Variants in SEMA5B observed in about 807,000 individuals in gnomAD.
SEMA5B encodes the protein semaphorin 5B, also known as semaphorin-5B.
SEMA5B carries 66 observed loss-of-function variants against 135.0 expected under a neutral mutation model. That is an observed-to-expected ratio of 0.49 (90% CI 0.40 to 0.60). The LOEUF (loss-of-function observed/expected upper bound fraction) is 0.60, where lower values mean the gene tolerates loss of function less well. Ranked by LOEUF, SEMA5B falls within the 20% of genes least tolerant of loss-of-function variation. The pLI is 0.00. For missense variants in SEMA5B, 1,501 were observed against 1,566.3 expected (o/e 0.96, Z 0.70); for synonymous variants, 690 against 639.5 (o/e 1.08, Z -1.19).
At chr3:122,975,553 C>T (rs895074) in intron 1 of SEMA5B, among the ~76,000 whole-genome samples, 23,425 of 152,242 alleles carry the variant, frequency 0.15, 2,406 homozygotes, top group Admixed American at 0.34. Flanking sequence ...ACCGTAAAAC[C>T]ACACAGGGCA....
chr3:122,994,330 A>C (rs1036668844), intron 1 of SEMA5B, among the ~76,000 whole-genome samples: 2 of 152,156 alleles, frequency 1.3e-5, no homozygotes, highest in Non-Finnish European at 2.9e-5. Context: ...TCTCTGTTTC[A>C]TATCTTGGCT....
chr3:122,952,417 T>G (rs2107568795), intron 2 of SEMA5B, among the ~76,000 whole-genome samples: 1 of 152,172 alleles, frequency 6.6e-6, no homozygotes, highest in East Asian at 1.9e-4. Context: ...CGAGGCCCAG[T>G]CCTAGTCCTC....
intron 2 of SEMA5B, among the ~76,000 whole-genome samples, chr3:122,956,674 C>T (rs1353056259): frequency 6.6e-6 from 1 of 152,136 alleles, no homozygotes; most frequent in Non-Finnish European, 1.5e-5. Flanking sequence ...AACCCTCCCC[C>T]GTTTTCAGAC....
chr3:122,974,373 G>A (rs1941237848), intron 1 of SEMA5B, among the ~76,000 whole-genome samples: 1 of 152,244 alleles, frequency 6.6e-6, no homozygotes, highest in Non-Finnish European at 1.5e-5. Context: ...CCCAGACATA[G>A]GAATGTGTAC....
chr3:122,952,862 T>A (rs1232130867), intron 2 of SEMA5B, among the ~76,000 whole-genome samples: 1 of 152,146 alleles, frequency 6.6e-6, no homozygotes, highest in Non-Finnish European at 1.5e-5. Context: ...CCAGAGCTCG[T>A]CTGCTTCCAG....
At chr3:122,929,475 A>C (rs142699219) in intron 5 of SEMA5B, among the ~76,000 whole-genome samples, 237 of 152,336 alleles carry the variant, frequency 1.6e-3, no homozygotes, top group African/African-American at 5.1e-3. Context: ...GGCAGGCAGG[A>C]AGGGAGAAAA....
chr3:122,963,480 G>C (rs543948890), intron 1 of SEMA5B, among the ~76,000 whole-genome samples: 1 of 145,544 alleles, frequency 6.9e-6, no homozygotes, highest in African/African-American at 2.7e-5. Flanking sequence ...AAAACAGAGC[G>C]AGTCTCTGAC....
chr3:122,953,395 T>G (rs1477343417), intron 2 of SEMA5B, among the ~76,000 whole-genome samples: 1 of 152,226 alleles, frequency 6.6e-6, no homozygotes, highest in African/African-American at 2.4e-5. Context: ...ACCCCAGGCC[T>G]TAAGGTACCT....
chr3:122,959,482 C>G (rs149513634), intron 2 of SEMA5B, among the ~76,000 whole-genome samples: 2 of 152,322 alleles, frequency 1.3e-5, no homozygotes, highest in Non-Finnish European at 2.9e-5. Context: ...TGGCGAAAAT[C>G]TCATAAACAT....
At chr3:123,017,702 G>A (rs1336280142) in intron 1 of SEMA5B, among the ~76,000 whole-genome samples, 2 of 152,150 alleles carry the variant, frequency 1.3e-5, no homozygotes, top group African/African-American at 4.8e-5. Flanking sequence ...GAGGTCAGGA[G>A]TTCAAGACCA....
intron 1 of SEMA5B, among the ~76,000 whole-genome samples, chr3:123,012,622 G>A (rs1365632495): frequency 1.3e-5 from 2 of 152,192 alleles, no homozygotes; most frequent in African/African-American, 2.4e-5. Flanking sequence ...GCAGGACTGG[G>A]CTGTGAAGTG....
rs1450941361 is a variant in SEMA5B at position 122,922,326 on chromosome 3, G to C, written c.1394C>G (p.Thr465Ser). The change falls in exon 11 of 23, where the codon ACC becomes AGC. Residue 465 changes from threonine to serine, a missense_variant. Physicochemically the swap from Thr to Ser is moderately conservative, Grantham distance 58. This residue lies in a region of SEMA5B where 574 missense variants were observed against 684.7 expected (regional missense o/e 0.84). Coordinates refer to ENST00000357599, the MANE Select transcript of SEMA5B (RefSeq NM_001031702.4). ...VQPVTPEPCV[T>S]QDSVRFSHLV... ...GTGTGAGAAGCGCACGCTGTCCTGG[G>C]TGACACAGGGCTCGGGTGTCACCGG... The C allele has an allele frequency of 1.2e-6, 2 of 1,613,922 alleles. No individual in the cohort carries two copies. Among genetic ancestry groups the C allele is most frequent in the African/African-American group, 1.3e-5 (1 of 74,934 alleles).
rs781619342 is a variant in SEMA5B, at chr3:122,961,235, A to G, written c.29T>C (p.Val10Ala). 5.0e-6 allele frequency: 8 copies of G among 1,614,074 alleles called. No homozygotes were observed. The highest frequency in any genetic ancestry group is 1.7e-4 in the Middle Eastern group (1 of 6,060). The change falls in exon 2 of 23, where the codon GTT (valine) becomes GCT (alanine). Residue 10 changes from valine to alanine, a missense_variant. Coordinates refer to ENST00000357599, the MANE Select transcript of SEMA5B (RefSeq NM_001031702.4). ...CGGCCCAGGGACGAGGTGGTGGGCA[A>G]CAGGAGACGGACTGAAGCCACAGGG... is the stretch of plus-strand genomic sequence containing the variant. MPCGFSPSP[V>A]AHHLVPGPPD...
intron 1 of SEMA5B, among the ~76,000 whole-genome samples, chr3:122,967,917 G>A (rs1940940865): frequency 6.6e-6 from 1 of 152,208 alleles, no homozygotes; most frequent in Non-Finnish European, 1.5e-5. Context: ...CCAGGGCTCT[G>A]CCCTCTCACT....
At chr3:122,962,414 G>A (rs1576370207) in intron 1 of SEMA5B, among the ~76,000 whole-genome samples, 1 of 152,190 alleles carries the variant, frequency 6.6e-6, no homozygotes, top group African/African-American at 2.4e-5. Context: ...GGCGGGTGGT[G>A]GAGAGGGAGG....
rs905558723 is a variant in SEMA5B, at chr3:122,911,944, G to A, written c.3022C>T (p.Pro1008Ser). Residue 1008 changes from proline (P) to serine (S), a missense_variant, in exon 20 of 23, where the codon CCC becomes TCC. Physicochemically the swap from Pro to Ser is moderately conservative, Grantham distance 74 (BLOSUM62 -1). Transcript: ENST00000357599. Reference protein sequence around the residue: ...ACAGNSSQSRPCPYSEIPVIL... With the variant: ...ACAGNSSQSRSCPYSEIPVIL... ...CCGGGAATCTCGCTGTAGGGGCAGG[G>A]GCGGCTCTGGCTGCTGTTTCCAGCA... 1 of 1,607,550 alleles carries A rather than the reference G, an allele frequency of 6.2e-7. No homozygotes were observed.
intron 9 of SEMA5B, among the ~76,000 whole-genome samples, chr3:122,926,151 T>C (rs1417023525): frequency 6.6e-6 from 1 of 152,236 alleles, no homozygotes; most frequent in Non-Finnish European, 1.5e-5. Context: ...CACCAGCATG[T>C]TCCTCCTTCA....
intron 2 of SEMA5B, among the ~76,000 whole-genome samples, chr3:122,955,538 T>G (rs2107582200): frequency 6.6e-6 from 1 of 152,322 alleles, no homozygotes; most frequent in East Asian, 1.9e-4. Context: ...CAGAAATTTC[T>G]ATTTCTAACA....
At chr3:123,006,517 T>C (rs1438194409) in intron 1 of SEMA5B, among the ~76,000 whole-genome samples, 1 of 152,186 alleles carries the variant, frequency 6.6e-6, no homozygotes, top group Non-Finnish European at 1.5e-5. Flanking sequence ...AAATCCCTAT[T>C]TTAAACAACA....
Sources: gnomAD v4.1 joint callset for allele counts (sites outside exome capture counted in the v4.1 genomes callset) on GRCh38, gnomAD v4.1.1 for gene constraint, gnomAD v4.1.1 regional missense constraint, MANE v1.5 for transcripts, NCBI Gene and HGNC (gene_info 2026-07-23, HGNC 2026-07-21) for gene names.